Variants in STK10 observed in about 807,000 individuals in gnomAD.
STK10 encodes serine/threonine-protein kinase 10.
Under a neutral mutation model 113.8 loss-of-function variants are expected in STK10, and 78 were observed. The ratio of observed to expected loss-of-function variants is 0.69; its 90% CI spans 0.57 to 0.83. STK10 has a LOEUF of 0.83. Among genes scored for constraint, STK10 ranks in the 40% least tolerant of loss-of-function variants. The pLI is 0.00. For synonymous variants in STK10, 465 were observed against 494.7 expected (o/e 0.94, Z 0.80); for missense variants, 1,109 against 1,280.1 (o/e 0.87, Z 2.04).
chr5:172,167,587 A>G (rs968757517), intron 1 of STK10, among the ~76,000 whole-genome samples: 11 of 152,338 alleles, frequency 7.2e-5, no homozygotes, highest in African/African-American at 2.2e-4. Flanking sequence ...AGACCACTTC[A>G]TCTGAGCTTG....
rs914611869 is a variant in STK10, at chr5:172,154,719, T to G, written c.321+1905A>C. ...ATTTATTTAAACAACAGCATGACAG[T>G]CGCAGTCTAGTTACAAACTGTGTTT... On this transcript the variant is annotated intron_variant, in intron 2 of 18. Transcript: ENST00000176763. 4.6e-5 allele frequency among the ~76,000 whole-genome samples: 7 copies of G among 152,190 alleles called. No individual in the cohort carries two copies. The South Asian group carries it at 1.2e-3, about 27-fold the overall frequency.
chr5:172,142,798 G>A (rs565068974), intron 2 of STK10, among the ~76,000 whole-genome samples: 5 of 152,288 alleles, frequency 3.3e-5, no homozygotes, highest in Non-Finnish European at 7.3e-5. Flanking sequence ...GAAGATTAAG[G>A]TCACAGATAA....
At chr5:172,155,994 C>CAAA (rs769699877) in intron 2 of STK10, among the ~76,000 whole-genome samples, 1 of 130,576 alleles carries the variant, frequency 7.7e-6, no homozygotes, top group Non-Finnish European at 1.7e-5. Flanking sequence ...GGCTCCATCT[C>CAAA]AAAAAAAAAA....
chr5:172,140,420 G>C (rs1769950292), intron 2 of STK10, among the ~76,000 whole-genome samples: 1 of 152,234 alleles, frequency 6.6e-6, no homozygotes. Flanking sequence ...TACTTGGCCA[G>C]GTGTGGTGGT....
At chr5:172,171,078 ACCTCAG>A (rs1047301389) in intron 1 of STK10, among the ~76,000 whole-genome samples, 2 of 152,200 alleles carry the variant, frequency 1.3e-5, no homozygotes, top group African/African-American at 4.8e-5. Context: ...ACAGTATCAA[ACCTCAG>A]AGAGGTTAAG....
intron 1 of STK10, among the ~76,000 whole-genome samples, chr5:172,172,873 G>A (rs905411167): frequency 7.9e-5 from 12 of 152,070 alleles, no homozygotes; most frequent in African/African-American, 1.4e-4. Context: ...CCAGCTACTC[G>A]GGAGCCTGAG....
chr5:172,051,341 T>C (rs1261246355), intron 18 of STK10, among the ~76,000 whole-genome samples: 1 of 151,990 alleles, frequency 6.6e-6, no homozygotes, highest in African/African-American at 2.4e-5. Flanking sequence ...GAGGCAGAGG[T>C]TGCAGAGAGC....
At chr5:172,048,849 T>C (rs1054684485) in intron 18 of STK10, among the ~76,000 whole-genome samples, 2 of 151,952 alleles carry the variant, frequency 1.3e-5, no homozygotes, top group African/African-American at 2.4e-5. Flanking sequence ...CCTCTGACTT[T>C]ACCTCCTATC....
At chr5:172,088,750 C>T (rs1411617601) in intron 10 of STK10, among the ~76,000 whole-genome samples, 1 of 152,082 alleles carries the variant, frequency 6.6e-6, no homozygotes, top group African/African-American at 2.4e-5. Flanking sequence ...ACACACAGAC[C>T]CAGTTAGAAT....
chr5:172,185,404 G>C (rs1443010635), intron 1 of STK10, among the ~76,000 whole-genome samples: 1 of 152,132 alleles, frequency 6.6e-6, no homozygotes, highest in Non-Finnish European at 1.5e-5. Flanking sequence ...GAGACGCTGG[G>C]ATTACGGGCA....
Position 172,055,086 on chromosome 5 carries a change from C to T in STK10, c.2527-392G>A, listed in dbSNP as rs558449389. ...TTGGCAACATAGCACCAAGCTCTACCTCTGTCCACACACAGAGGTGAATTC... is the reference window on the plus strand; with the variant it reads ...TTGGCAACATAGCACCAAGCTCTACTTCTGTCCACACACAGAGGTGAATTC... On this transcript the variant is annotated intron_variant, in intron 16 of 18. Transcript: ENST00000176763. 7.9e-5 allele frequency among the ~76,000 whole-genome samples: 12 copies of T among 152,356 alleles called. No individual in the cohort carries two copies. In the East Asian group the frequency reaches 1.5e-3, roughly 20 times the overall value.
intron 2 of STK10, among the ~76,000 whole-genome samples, chr5:172,155,635 T>A (rs764772316): frequency 1.5e-4 from 22 of 151,080 alleles, no homozygotes; most frequent in Non-Finnish European, 1.6e-4. Context: ...GGAAATAGCC[T>A]AAATGCCCAA....
intron 13 of STK10, 24 bp downstream of exon 13, chr5:172,064,696 C>A (rs999944459): frequency 1.9e-6 from 3 of 1,613,342 alleles, no homozygotes; most frequent in Non-Finnish European, 2.5e-6. Context: ...CCCCTGCGCT[C>A]CCCAGCTGAG....
Position 172,188,220 on chromosome 5 carries a change from G to A in STK10, c.-178C>T. The A allele has an allele frequency of 2.7e-6, 3 of 1,107,594 alleles. 1 individual carries two copies. In the East Asian group the frequency reaches 9.8e-5, roughly 36 times the overall value. The allele number at this position is 1,107,594 out of a possible 1,614,324, so 68.6% of individuals were successfully genotyped here. Reference sequence around the variant, plus strand: ...GTGTGCCCTGGGCAGCGCCGCGCCGGGAGCACCCGGAACCGCGCAGGCGGC... The same window carrying A: ...GTGTGCCCTGGGCAGCGCCGCGCCGAGAGCACCCGGAACCGCGCAGGCGGC... On this transcript the variant is annotated 5_prime_UTR_variant, in exon 1 of 19. Coordinates refer to ENST00000176763, the MANE Select transcript of STK10 (RefSeq NM_005990.4). The surrounding 1 kb of genome is among the most constrained non-coding windows in gnomAD (Gnocchi z 5.6).
intron 12 of STK10, among the ~76,000 whole-genome samples, chr5:172,078,230 C>T (rs1768354156): frequency 6.6e-6 from 1 of 152,206 alleles, no homozygotes; most frequent in African/African-American, 2.4e-5. Context: ...TGGAGCAAAG[C>T]CTCTCACTGG....
chr5:172,152,032 A>C (rs1770245034), intron 2 of STK10, among the ~76,000 whole-genome samples: 2 of 152,214 alleles, frequency 1.3e-5, no homozygotes, highest in South Asian at 4.1e-4. Context: ...ATGTCACCTC[A>C]TGAGAGAGGC....
intron 16 of STK10, among the ~76,000 whole-genome samples, chr5:172,054,982 A>AGCCACAAGGGCAACACAGGATGTGGGG (rs1767713481): frequency 6.6e-6 from 1 of 152,210 alleles, no homozygotes; most frequent in African/African-American, 2.4e-5. Context: ...CGTGTGCCCG[A>AGCCACAAGGGCAACACAGGATGTGGGG]GCCACAAGGG....
chr5:172,077,780 C>A lies in STK10; in HGVS notation c.1989+4546G>T, dbSNP rs181976772. Among the ~76,000 whole-genome samples, 626 of 151,694 alleles carry A rather than the reference C, an allele frequency of 4.1e-3. 5 individuals are homozygous for A. The highest frequency in any genetic ancestry group is 0.015 in the African/African-American group (600 of 41,348). On this transcript the variant is annotated intron_variant, in intron 12 of 18. Transcript: ENST00000176763. ...TTTTTTTTGGTGTGTGTTTCCCACG[C>A]CTGAATTTAAATTATGACATGCTCT...
At chr5:172,085,452 G>T (rs142382866) in intron 10 of STK10, among the ~76,000 whole-genome samples, 2,392 of 152,152 alleles carry the variant, frequency 0.016, 73 homozygotes, top group African/African-American at 0.054. Context: ...ACTTTGGGGG[G>T]CTGAGGCTGG....
Sources: allele counts gnomAD v4.1 joint callset (sites outside exome capture counted in the v4.1 genomes callset), GRCh38; gene constraint gnomAD v4.1.1; non-coding constraint Gnocchi (gnomAD v3.1); transcripts MANE v1.5; gene names NCBI Gene and HGNC (gene_info 2026-07-23, HGNC 2026-07-21).